The following PADI1 variants were observed in gnomAD, a reference collection of about 807,000 sequenced individuals.
PADI1 encodes peptidyl arginine deiminase 1.
PADI1 carries 65 observed loss-of-function variants against 74.8 expected under a neutral mutation model. The observed-to-expected ratio is 0.87, with a 90% CI of 0.71 to 1.07. PADI1 has a LOEUF of 1.07. Among genes scored for constraint, PADI1 ranks in the 50% least tolerant of loss-of-function variants. The probability of loss-of-function intolerance (pLI) is 0.00; values close to 1 mark genes in which losing one functional copy is unlikely to be tolerated. For missense variants in PADI1, 943 were observed against 854.0 expected (o/e 1.10, Z -1.30); for synonymous variants, 371 against 336.2 (o/e 1.10, Z -1.13).
rs140521242 is a variant in PADI1, at chr1:17,222,304, G to A, written c.107G>A (p.Gly36Asp). The change falls in exon 2 of 16, where the codon GGT (glycine) becomes GAT (aspartate). Residue 36 changes from glycine to aspartate, a missense_variant. Transcript: ENST00000375471. ...HVDIHSDVPK[G>D]ANSFRVSGSS... The stretch of plus-strand genomic sequence containing the variant: ...TTCTCTGCCAGTGATGTGCCCAAGG[G>A]TGCCAACAGCTTCAGGGTCTCTGGA... The A allele has an allele frequency of 1.3e-5, 21 of 1,613,900 alleles. No homozygotes were observed. The African/African-American group carries it at 2.3e-4, about 17-fold the overall frequency.
chr1:17,222,988 C>T (rs962891340), intron 2 of PADI1, among the ~76,000 whole-genome samples: 10 of 126,626 alleles, frequency 7.9e-5, no homozygotes, highest in Non-Finnish European at 9.7e-5. Context: ...CCTTTCTCCC[C>T]GACAGGGAAA....
chr1:17,225,608 G>C (rs539340021), intron 4 of PADI1, among the ~76,000 whole-genome samples: 2 of 152,170 alleles, frequency 1.3e-5, no homozygotes. Context: ...TGGTTGTGCA[G>C]GTTGCTCACT....
intron 11 of PADI1, among the ~76,000 whole-genome samples, chr1:17,234,339 G>A (rs1458149397): frequency 6.6e-6 from 1 of 152,182 alleles, no homozygotes; most frequent in African/African-American, 2.4e-5. Context: ...TTTAAAACGG[G>A]CCTGATGAAA....
intron 1 of PADI1, among the ~76,000 whole-genome samples, chr1:17,208,159 G>A (rs534202232): frequency 6.4e-4 from 98 of 152,334 alleles, no homozygotes; most frequent in Admixed American, 7.2e-4. Context: ...CCCAGAAGAG[G>A]AGGTGTTGCC....
In PADI1 at chr1:17,230,688, C is replaced by A. The variant is rs112540601; in HGVS notation, c.1161+9C>A. 5,639 of 1,522,714 alleles carry A rather than the reference C, an allele frequency of 3.7e-3. 10 individuals are homozygous for A. Among genetic ancestry groups the A allele is most frequent in the Non-Finnish European group, 4.6e-3 (5,031 of 1,101,124 alleles). The allele number at this position is 1,522,714 out of a possible 1,614,324, so 94.3% of individuals were successfully genotyped here. A position where few individuals can be genotyped will look rare whatever the true frequency, so the allele number is the denominator to read the frequency against. ...CCTATAAGAGGATCCTGGTACGTAG[C>A]GACAGGTAGAGTGCAGAAACCCTGG... On this transcript the variant is annotated intron_variant, in intron 10 of 15. Transcript: ENST00000375471.
chr1:17,237,051 C>G lies in PADI1; in HGVS notation c.1314-263C>G, dbSNP rs562479703. Reference sequence around the variant, plus strand: ...CAGATGTAACTTGGAGCTGGTATTTCTATGTATATCATAGGGTCATCAGGA... The same window carrying G: ...CAGATGTAACTTGGAGCTGGTATTTGTATGTATATCATAGGGTCATCAGGA... On this transcript the variant is annotated intron_variant, in intron 11 of 15. Coordinates refer to ENST00000375471, the MANE Select transcript of PADI1 (RefSeq NM_013358.3). Among the ~76,000 whole-genome samples, 279 of 152,306 alleles carry G rather than the reference C, an allele frequency of 1.8e-3. 1 individual carries two copies. Among genetic ancestry groups the G allele is most frequent in the African/African-American group, 6.2e-3 (256 of 41,572 alleles).
chr1:17,213,188 TA>T (rs1557450467), intron 1 of PADI1, among the ~76,000 whole-genome samples: 11 of 151,918 alleles, frequency 7.2e-5, no homozygotes, highest in African/African-American at 2.4e-4. Context: ...CGTAATCTCC[TA>T]CCAGGCTGGT....
chr1:17,225,923 T>C lies in PADI1; in HGVS notation c.521T>C (p.Leu174Pro). 1.2e-6 allele frequency: 2 copies of C among 1,613,744 alleles called. No individual in the cohort carries two copies. Among genetic ancestry groups the C allele is most frequent in the Admixed American group, 3.3e-5 (2 of 59,998 alleles). The change falls in exon 5 of 16, where the codon CTG (leucine) becomes CCG (proline). Residue 174 changes from leucine (L) to proline (P), a missense_variant. By Grantham distance (98) the Leu-to-Pro change is moderately conservative. Transcript: ENST00000375471. Reference protein sequence around the residue: ...PDLTHSWLMSLADLQDMSPML... With the variant: ...PDLTHSWLMSPADLQDMSPML... Reference sequence around the variant, plus strand: ...CTCACCCACAGCTGGCTGATGTCGCTGGCTGGTGAGTGACACAAGGTGTTG... The same window carrying C: ...CTCACCCACAGCTGGCTGATGTCGCCGGCTGGTGAGTGACACAAGGTGTTG...
chr1:17,213,116 T>C (rs980599285), intron 1 of PADI1, among the ~76,000 whole-genome samples: 7 of 152,260 alleles, frequency 4.6e-5, no homozygotes, highest in Non-Finnish European at 8.8e-5. Context: ...CACTTTGCTA[T>C]CTGGGTGACC....
At chr1:17,227,350 C>T (rs2072345935) in intron 6 of PADI1, among the ~76,000 whole-genome samples, 1 of 151,660 alleles carries the variant, frequency 6.6e-6, no homozygotes, top group African/African-American at 2.4e-5. Flanking sequence ...GAGTTTGAGA[C>T]CAGCCTGGGC....
chr1:17,227,600 G>A (rs377423437), intron 6 of PADI1, among the ~76,000 whole-genome samples: 3 of 151,938 alleles, frequency 2.0e-5, no homozygotes, highest in East Asian at 3.9e-4. Context: ...CCTTAACCCC[G>A]GACTGCTCTT....
intron 1 of PADI1, among the ~76,000 whole-genome samples, chr1:17,222,001 GGAGGTGGTGA>G (rs1350865479): frequency 6.6e-6 from 1 of 152,250 alleles, no homozygotes; most frequent in Admixed American, 6.5e-5. Flanking sequence ...TGATGTCAGT[GGAGGTGGTGA>G]GAGGTGGTGG....
At chr1:17,225,618 T>C (rs552898252) in intron 4 of PADI1, among the ~76,000 whole-genome samples, 193 bp from the exon 5 acceptor site, 1 of 152,322 alleles carries the variant, frequency 6.6e-6, no homozygotes, top group East Asian at 1.9e-4. Flanking sequence ...GGTTGCTCAC[T>C]GCACAAGGAT....
chr1:17,213,096 G>A (rs926406924), intron 1 of PADI1, among the ~76,000 whole-genome samples: 1 of 152,074 alleles, frequency 6.6e-6, no homozygotes, highest in African/African-American at 2.4e-5. Flanking sequence ...TACCAGCCAG[G>A]ACAGCTTCTC....
At chr1:17,242,024 T>C (rs2072788630) in intron 15 of PADI1, among the ~76,000 whole-genome samples, 1 of 152,244 alleles carries the variant, frequency 6.6e-6, no homozygotes, top group Admixed American at 6.5e-5. Flanking sequence ...TGTGCTTTCC[T>C]GACTCCTCAT....
In PADI1 at chr1:17,226,059, C is replaced by T. The variant is rs2072300479; in HGVS notation, c.553C>T (p.Leu185=). The change falls in exon 6 of 16, where the codon CTG becomes TTG. Residue 185 remains leucine (L), a synonymous_variant. Coordinates refer to ENST00000375471, the MANE Select transcript of PADI1 (RefSeq NM_013358.3). ...ADLQDMSPML[L]SCNGPDKLFD... Reference sequence around the variant, plus strand: ...CCTGCAGGACATGTCCCCAATGCTGCTGAGCTGCAATGGCCCCGACAAGCT... The same window carrying T: ...CCTGCAGGACATGTCCCCAATGCTGTTGAGCTGCAATGGCCCCGACAAGCT... 8 of 1,614,214 alleles carry T rather than the reference C, an allele frequency of 5.0e-6. No individual in the cohort carries two copies. The East Asian group carries it at 1.8e-4, about 36-fold the overall frequency.
intron 13 of PADI1, among the ~76,000 whole-genome samples, chr1:17,239,327 C>T (rs1048075122): frequency 6.6e-6 from 1 of 152,174 alleles, no homozygotes; most frequent in Non-Finnish European, 1.5e-5. Context: ...GTGTTCTGAA[C>T]CTCTCAGTGC....
chr1:17,227,804 C>T (rs1298234524), intron 6 of PADI1, among the ~76,000 whole-genome samples: 1 of 152,184 alleles, frequency 6.6e-6, no homozygotes, highest in Non-Finnish European at 1.5e-5. Flanking sequence ...GACACCAGGG[C>T]GTAAGCAAAG....
At chr1:17,226,877 G>A (rs935017884) in intron 6 of PADI1, among the ~76,000 whole-genome samples, 5 of 152,050 alleles carry the variant, frequency 3.3e-5, no homozygotes, top group African/African-American at 4.8e-5. Context: ...GAGAAAACCC[G>A]TTTCCACTAA....
Sources: allele counts gnomAD v4.1 joint callset (sites outside exome capture counted in the v4.1 genomes callset), GRCh38; gene constraint gnomAD v4.1.1; transcripts MANE v1.5; gene names NCBI Gene and HGNC (gene_info 2026-07-23, HGNC 2026-07-21).